CLHC1: variants seen among roughly 807,000 people sequenced by gnomAD.
CLHC1 encodes the protein clathrin heavy chain linker domain containing 1.
Under a neutral mutation model 69.5 loss-of-function variants are expected in CLHC1, and 72 were observed. The observed-to-expected ratio is 1.04, with a 90% CI of 0.86 to 1.26. CLHC1 has a LOEUF of 1.26. Ranked by LOEUF, CLHC1 falls within the 50% of genes most tolerant of loss-of-function variation. The pLI is 0.00. For missense variants in CLHC1, 790 were observed against 679.3 expected (o/e 1.16, Z -1.81); for synonymous variants, 223 against 224.3 (o/e 0.99, Z 0.05).
intron 9 of CLHC1, among the ~76,000 whole-genome samples, chr2:55,196,035 G>C (rs763597788): frequency 1.3e-5 from 2 of 152,188 alleles, no homozygotes; most frequent in Non-Finnish European, 2.9e-5. Flanking sequence ...TGGAGGAAGA[G>C]TGCAGTGATT....
chr2:55,231,395 G>A (rs540702666), intron 1 of CLHC1, among the ~76,000 whole-genome samples: 68 of 152,288 alleles, frequency 4.5e-4, no homozygotes, highest in African/African-American at 1.6e-3. Flanking sequence ...TAGGTTGTAA[G>A]GAAGGCAGAG....
At chr2:55,179,818 T>G (rs10193022) in intron 11 of CLHC1, among the ~76,000 whole-genome samples, 65,459 of 151,980 alleles carry the variant, frequency 0.43, 14,486 homozygotes, top group African/African-American at 0.51. Flanking sequence ...TGAAATAAAT[T>G]AGAAATTCTT....
At chr2:55,215,520 G>T (rs139345842) in intron 4 of CLHC1, among the ~76,000 whole-genome samples, 1 of 152,154 alleles carries the variant, frequency 6.6e-6, no homozygotes, top group East Asian at 1.9e-4. Context: ...AGAACATTTC[G>T]TTGGCCCCAG....
intron 5 of CLHC1, among the ~76,000 whole-genome samples, 157 bp downstream of exon 5, chr2:55,212,516 C>T (rs1354899202): frequency 6.6e-6 from 1 of 152,190 alleles, no homozygotes; most frequent in Non-Finnish European, 1.5e-5. Flanking sequence ...TTTTCCATTC[C>T]CTTGAATCTA....
chr2:55,193,181 C>T (rs10208867), intron 9 of CLHC1, among the ~76,000 whole-genome samples: 47,339 of 151,936 alleles, frequency 0.31, 7,671 homozygotes, highest in African/African-American at 0.38. Context: ...CGTGAACCAC[C>T]GCGCCTGGAC....
intron 9 of CLHC1, among the ~76,000 whole-genome samples, chr2:55,187,872 G>C (rs1670564063): frequency 6.6e-6 from 1 of 151,980 alleles, no homozygotes; most frequent in Admixed American, 6.5e-5. Context: ...AATGAGAAAA[G>C]ATTTTTGTAA....
At position 55,196,878 on chromosome 2, in the gene CLHC1, G is replaced by A. The variant is rs1046614303; in HGVS notation, c.1006+9392C>T. Among the ~76,000 whole-genome samples, 17 of 152,198 alleles carry A rather than the reference G, an allele frequency of 1.1e-4. 2 individuals carry two copies. The highest frequency in any genetic ancestry group is 9.2e-4 in the Admixed American group (14 of 15,282). On this transcript the variant is annotated intron_variant, in intron 9 of 12. Coordinates refer to ENST00000401408, the MANE Select transcript of CLHC1 (RefSeq NM_152385.4). ...ACCAGCTTGGCCATAGTGAGGAAGA[G>A]CACCAAGCAGGCTATTGGGGTCCCC...
intron 9 of CLHC1, among the ~76,000 whole-genome samples, chr2:55,186,126 A>G (rs1670390226): frequency 6.6e-6 from 1 of 152,178 alleles, no homozygotes; most frequent in Non-Finnish European, 1.5e-5. Flanking sequence ...AACAACCTAC[A>G]TCCACAGGGG....
intron 11 of CLHC1, 54 bp from the exon 12 acceptor site, chr2:55,177,835 T>C (rs1445336228): frequency 7.5e-7 from 1 of 1,333,574 alleles, no homozygotes; most frequent in African/African-American, 1.5e-5. Context: ...ATAAATCAAC[T>C]AGAAACTAGG....
At chr2:55,226,691 G>A (rs1674740337) in intron 2 of CLHC1, among the ~76,000 whole-genome samples, 2 of 152,214 alleles carry the variant, frequency 1.3e-5, no homozygotes. Flanking sequence ...GAGTGCAGTG[G>A]CACGATCTCA....
Position 55,217,853 on chromosome 2 carries a change from G to T in CLHC1, c.323C>A (p.Ala108Asp). ...TGTTCTTTTCCTGTAATATACCAAA[G>T]CTGTAGGCTCTGCTGCCAAACCTTT... ...KLKGLAAEPT[A>D]LVYYRKRTIQ... The change falls in exon 4 of 13, where the codon GCT (alanine) becomes GAT (aspartate). Residue 108 changes from alanine (A) to aspartate (D), a missense_variant. Transcript: ENST00000401408. 6.2e-7 allele frequency: 1 copy of T among 1,604,334 alleles called. No homozygotes were observed. The highest frequency in any genetic ancestry group is 8.5e-7 in the Non-Finnish European group (1 of 1,176,762).
chr2:55,217,666 A>T (rs1673708195), intron 4 of CLHC1, 145 bp downstream of exon 4: 1 of 466,204 alleles, frequency 2.1e-6, no homozygotes, highest in Admixed American at 4.2e-5. Flanking sequence ...ACTTCAAGTT[A>T]CTAGGAGAAG....
chr2:55,172,660 A>T lies in CLHC1; in HGVS notation c.*3130T>A, dbSNP rs1669052823. 1.3e-5 allele frequency among the ~76,000 whole-genome samples: 2 copies of T among 151,378 alleles called. No individual in the cohort carries two copies. Among genetic ancestry groups the T allele is most frequent in the South Asian group, 4.2e-4 (2 of 4,794 alleles). On this transcript the variant is annotated 3_prime_UTR_variant, in exon 13 of 13. Transcript: ENST00000401408. ...TAAATGCCATTTTTTTCTGAGAAAGAATGGAAGAAATGTATGAGCTTTCTA... is the reference window on the plus strand; with the variant it reads ...TAAATGCCATTTTTTTCTGAGAAAGTATGGAAGAAATGTATGAGCTTTCTA...
At chr2:55,187,443 T>C (rs1277985243) in intron 9 of CLHC1, among the ~76,000 whole-genome samples, 3 of 151,960 alleles carry the variant, frequency 2.0e-5, no homozygotes, top group African/African-American at 7.3e-5. Context: ...CAAAACCCCA[T>C]CTCTACCAAA....
chr2:55,181,546 A>C (rs1669932515), intron 10 of CLHC1, 24 bp downstream of exon 10: 5 of 1,538,580 alleles, frequency 3.2e-6, no homozygotes, highest in Non-Finnish European at 4.4e-6. Context: ...GTCAAAATTA[A>C]GTTAAAAGCT....
chr2:55,212,921 G>A (rs1673154173), intron 4 of CLHC1, 115 bp from the exon 5 acceptor site: 1 of 748,102 alleles, frequency 1.3e-6, no homozygotes, highest in South Asian at 1.7e-5. Context: ...TGGACTAGGT[G>A]AAATGCCCTG....
chr2:55,185,337 A>G (rs1217707402), intron 9 of CLHC1, among the ~76,000 whole-genome samples: 1 of 152,180 alleles, frequency 6.6e-6, no homozygotes, highest in Non-Finnish European at 1.5e-5. Context: ...GGCTATTTAA[A>G]AAGCTATTCC....
Position 55,173,307 on chromosome 2 carries a change from T to C in CLHC1, c.*2483A>G, listed in dbSNP as rs928704571. 6.6e-6 allele frequency among the ~76,000 whole-genome samples: 1 copy of C among 152,248 alleles called. No homozygotes were observed. The highest frequency in any genetic ancestry group is 2.4e-5 in the African/African-American group (1 of 41,464). ...TTAGATAATGCTAAGGAATTATTAT[T>C]AGTAACTTTTAAAATACGTTGTGTG... On this transcript the variant is annotated 3_prime_UTR_variant, in exon 13 of 13. Transcript: ENST00000401408.
intron 4 of CLHC1, chr2:55,214,609 G>C (rs1673321982): frequency 6.6e-6 from 1 of 152,246 alleles, no homozygotes; most frequent in South Asian, 2.1e-4. Context: ...ATGGCTCAGA[G>C]TAAGAGCTTA....
Sources: gnomAD v4.1 joint callset for allele counts (sites outside exome capture counted in the v4.1 genomes callset) on GRCh38, gnomAD v4.1.1 for gene constraint, MANE v1.5 for transcripts, NCBI Gene and HGNC (gene_info 2026-07-23, HGNC 2026-07-21) for gene names.